The following ASIC2 variants were observed in gnomAD, a reference collection of about 807,000 sequenced individuals.
ASIC2 encodes acid sensing ion channel subunit 2, also known as acid-sensing ion channel 2.
A neutral mutation model predicts 57.3 loss-of-function variants in ASIC2; 25 were observed. The ratio of observed to expected loss-of-function variants is 0.44; its 90% CI spans 0.32 to 0.61. The LOEUF is 0.61. ASIC2 is among the 20% of genes least tolerant of loss of function. The probability of loss-of-function intolerance (pLI) is 0.06; values close to 1 mark genes in which losing one functional copy is unlikely to be tolerated. For missense variants in ASIC2, 641 were observed against 738.1 expected, an observed-to-expected ratio of 0.87 and a Z score of 1.52; for synonymous variants, 319 against 307.5, an observed-to-expected ratio of 1.04 and a Z score of -0.39.
Position 33,498,143 on chromosome 17 carries a change from C to A in ASIC2, c.556-386076G>T, listed in dbSNP as rs549237626. On this transcript the variant is annotated intron_variant, in intron 1 of 9. Coordinates refer to the ASIC2 transcript ENST00000359872. ...TGTTTCAGATGAGAAAATTGAGGCC[C>A]AGAGACTTGAGTAATGTGCTCACAG... Among the ~76,000 whole-genome samples, 8 of 152,300 alleles carry A rather than the reference C, an allele frequency of 5.3e-5. No individual in the cohort carries two copies. In the East Asian group the frequency reaches 9.7e-4, roughly 18 times the overall value.
chr17:33,614,601 A>G (rs781208380), intron 1 of ASIC2, among the ~76,000 whole-genome samples: 65 of 152,358 alleles, frequency 4.3e-4, no homozygotes, highest in Admixed American at 7.2e-4. Flanking sequence ...CTTATCTGCT[A>G]TATTTTTTCT....
chr17:33,922,604 A>T (rs1426985947), intron 1 of ASIC2, among the ~76,000 whole-genome samples: 2 of 152,238 alleles, frequency 1.3e-5, no homozygotes, highest in Non-Finnish European at 2.9e-5. Context: ...TACAAATGTG[A>T]ACTATGTATC....
chr17:33,731,184 G>A (rs546215981), intron 1 of ASIC2, among the ~76,000 whole-genome samples: 8 of 152,294 alleles, frequency 5.3e-5, no homozygotes, highest in African/African-American at 1.9e-4. Flanking sequence ...TTCAGGTGTG[G>A]GGAAATGTTT....
chr17:33,741,099 G>C (rs1168478090), intron 1 of ASIC2, among the ~76,000 whole-genome samples: 1 of 152,176 alleles, frequency 6.6e-6, no homozygotes, highest in Non-Finnish European at 1.5e-5. Flanking sequence ...TGTCGAAGGG[G>C]CTTCTAGGCA....
chr17:33,812,248 C>A (rs1002583305), intron 1 of ASIC2, among the ~76,000 whole-genome samples: 2 of 152,036 alleles, frequency 1.3e-5, no homozygotes, highest in Non-Finnish European at 2.9e-5. Context: ...GTCAGCAATG[C>A]CATTTAATTG....
rs573157517 is a variant in ASIC2 at position 34,149,663 on chromosome 17, G to T, written c.555+6315C>A. 2.0e-5 allele frequency among the ~76,000 whole-genome samples: 3 copies of T among 152,216 alleles called. No individual in the cohort carries two copies. The South Asian group carries it at 6.2e-4, about 32-fold the overall frequency. ...AGGAGGGGAGAAAAAAGAAATATGC[G>T]ATTTGTAAAAAGTTAGCAATGCGAT... On this transcript the variant is annotated intron_variant, in intron 1 of 9. Transcript: ENST00000359872.
intron 1 of ASIC2, among the ~76,000 whole-genome samples, chr17:33,723,130 G>C (rs1386751916): frequency 1.3e-5 from 2 of 151,934 alleles, no homozygotes; most frequent in Non-Finnish European, 2.9e-5. Context: ...AAGACAAATG[G>C]CCATCAACAG....
At chr17:33,741,545 G>A (rs1399277934) in intron 1 of ASIC2, among the ~76,000 whole-genome samples, 1 of 152,186 alleles carries the variant, frequency 6.6e-6, no homozygotes, top group Non-Finnish European at 1.5e-5. Context: ...TTCCAAGGGG[G>A]CATAAAGATA....
At chr17:33,848,914 T>C (rs903790377) in intron 1 of ASIC2, among the ~76,000 whole-genome samples, 2 of 152,252 alleles carry the variant, frequency 1.3e-5, no homozygotes, top group Non-Finnish European at 2.9e-5. Flanking sequence ...AACATTGTTC[T>C]GATTCTACAG....
chr17:33,899,220 C>T (rs557900032), intron 1 of ASIC2, among the ~76,000 whole-genome samples: 2 of 152,074 alleles, frequency 1.3e-5, no homozygotes, highest in African/African-American at 2.4e-5. Flanking sequence ...AAGTATTTCA[C>T]CTCTCCACAC....
At chr17:33,591,724 C>G (rs1366277705) in intron 1 of ASIC2, among the ~76,000 whole-genome samples, 1 of 152,186 alleles carries the variant, frequency 6.6e-6, no homozygotes, top group Non-Finnish European at 1.5e-5. Context: ...GCCCTTGTCT[C>G]AAAGTGGGGC....
intron 1 of ASIC2, among the ~76,000 whole-genome samples, chr17:33,335,596 G>T (rs1253812829): frequency 6.6e-6 from 1 of 152,102 alleles, no homozygotes; most frequent in Non-Finnish European, 1.5e-5. Context: ...ATCCATATGC[G>T]TGGGGACTTA....
intron 1 of ASIC2, among the ~76,000 whole-genome samples, chr17:33,166,234 T>C (rs1217402043): frequency 6.6e-6 from 1 of 152,178 alleles, no homozygotes; most frequent in Non-Finnish European, 1.5e-5. Flanking sequence ...TCACTGGTGG[T>C]TGTAAGGATT....
chr17:34,019,200 C>A (rs955819105), intron 1 of ASIC2, among the ~76,000 whole-genome samples: 23 of 152,054 alleles, frequency 1.5e-4, no homozygotes, highest in African/African-American at 5.6e-4. Flanking sequence ...AGCCACCACG[C>A]CTGGCCAAAG....
At chr17:33,714,985 T>TTTATTGTTATTATTATTATTA (rs1909169641) in intron 1 of ASIC2, among the ~76,000 whole-genome samples, 1 of 142,200 alleles carries the variant, frequency 7.0e-6, no homozygotes, top group Non-Finnish European at 1.5e-5. Flanking sequence ...GCCAGGCTAA[T>TTTATTGTTATTATTATTATTA]TTATTATTAT....
chr17:33,070,702 G>A (rs1316047312), intron 3 of ASIC2, among the ~76,000 whole-genome samples: 3 of 152,062 alleles, frequency 2.0e-5, no homozygotes, highest in Non-Finnish European at 4.4e-5. Flanking sequence ...CATTCCTTTT[G>A]TGTGAACCCA....
chr17:33,210,190 C>T (rs1907218319), intron 1 of ASIC2, among the ~76,000 whole-genome samples: 1 of 152,160 alleles, frequency 6.6e-6, no homozygotes, highest in South Asian at 2.1e-4. Flanking sequence ...CATTAGGCAA[C>T]ATTACTCTGC....
intron 1 of ASIC2, among the ~76,000 whole-genome samples, chr17:33,365,424 A>G (rs1182104508): frequency 1.3e-5 from 2 of 151,870 alleles, no homozygotes; most frequent in Non-Finnish European, 2.9e-5. Context: ...AGAGTCTGAC[A>G]TGTAGGAGGT....
intron 1 of ASIC2, among the ~76,000 whole-genome samples, chr17:33,621,661 G>A (rs377336414): frequency 8.7e-4 from 133 of 152,266 alleles, no homozygotes; most frequent in African/African-American, 2.8e-3. Context: ...TCAGTGTGTC[G>A]GAATCAGGAC....
Sources: allele counts gnomAD v4.1 joint callset (sites outside exome capture counted in the v4.1 genomes callset), GRCh38; gene constraint gnomAD v4.1.1; transcripts MANE v1.5; gene names NCBI Gene and HGNC (gene_info 2026-07-23, HGNC 2026-07-21).